The following RBFOX1 variants were observed in gnomAD, a reference collection of about 807,000 sequenced individuals.
RBFOX1 encodes RNA binding fox-1 homolog 1.
RBFOX1 carries 8 observed loss-of-function variants against 57.7 expected under a neutral mutation model. That is an observed-to-expected ratio of 0.14 (90% CI 0.08 to 0.25). The LOEUF (loss-of-function observed/expected upper bound fraction) is 0.25, where lower values mean the gene tolerates loss of function less well. Among genes scored for constraint, RBFOX1 ranks in the 10% least tolerant of loss-of-function variants. The pLI, the probability that RBFOX1 is intolerant of heterozygous loss-of-function variation, is 1.00. For synonymous variants in RBFOX1, 326 were observed against 222.4 expected (o/e 1.47, Z -4.15); for missense variants, 611 against 548.5 (o/e 1.11, Z -1.14).
chr16:6,098,519 C>G (rs368668685), intron 1 of RBFOX1, among the ~76,000 whole-genome samples: 4 of 152,340 alleles, frequency 2.6e-5, no homozygotes, highest in African/African-American at 9.6e-5. Flanking sequence ...AAGTTGGACG[C>G]TGGAATAATT....
chr16:6,264,237 G>C (rs370518008), intron 1 of RBFOX1, among the ~76,000 whole-genome samples: 1 of 152,058 alleles, frequency 6.6e-6, no homozygotes, highest in African/African-American at 2.4e-5. Flanking sequence ...GCAGCTTCCT[G>C]TCATGAAAGG....
chr16:6,024,734 T>C (rs1014023693), intron 1 of RBFOX1, among the ~76,000 whole-genome samples: 2 of 152,204 alleles, frequency 1.3e-5, no homozygotes, highest in Non-Finnish European at 2.9e-5. Flanking sequence ...ACCCGCCTCC[T>C]CGGCCTCTCA....
intron 4 of RBFOX1, among the ~76,000 whole-genome samples, chr16:5,965,048 A>G (rs1177850015): frequency 6.6e-6 from 1 of 152,192 alleles, no homozygotes; most frequent in Non-Finnish European, 1.5e-5. Context: ...AGACACAAAT[A>G]CTCTATAATA....
At chr16:6,427,630 A>T (rs907739469) in intron 2 of RBFOX1, among the ~76,000 whole-genome samples, 4 of 152,222 alleles carry the variant, frequency 2.6e-5, no homozygotes, top group African/African-American at 9.7e-5. Context: ...GCTGCCAAGT[A>T]AGGTGGATTA....
intron 1 of RBFOX1, among the ~76,000 whole-genome samples, chr16:6,250,163 C>G (rs2097596934): frequency 6.6e-6 from 1 of 152,148 alleles, no homozygotes; most frequent in African/African-American, 2.4e-5. Flanking sequence ...TCTGCTGTTG[C>G]TTAGTTGCTT....
Position 6,161,299 on chromosome 16 carries a change from G to GT in RBFOX1, c.-127+141307_-127+141308insT, listed in dbSNP as rs545861440. On this transcript the variant is annotated intron_variant, in intron 1 of 15. Transcript: ENST00000550418. ...AGCTACTCAGGGGGCTAAGGCAGGA[G>GT]AATCGCTTGAGCCTGGGAGGCAAAG... Among the ~76,000 whole-genome samples the GT allele has an allele frequency of 4.3e-3, 651 of 151,704 alleles. 10 individuals are homozygous for GT. The highest frequency in any genetic ancestry group is 3.0e-3 in the Non-Finnish European group (203 of 67,972).
intron 3 of RBFOX1, among the ~76,000 whole-genome samples, chr16:7,039,090 G>C (rs78192265): frequency 0.096 from 14,621 of 152,048 alleles, 1,182 homozygotes; most frequent in East Asian, 0.32. Flanking sequence ...CTGGGAGATA[G>C]CACCCCATAG....
At chr16:5,241,167 C>T (rs1567225694) in intron 1 of RBFOX1, among the ~76,000 whole-genome samples, 1 of 152,174 alleles carries the variant, frequency 6.6e-6, no homozygotes, top group Admixed American at 6.5e-5. Flanking sequence ...GCCCCCCCTG[C>T]CCAGTCTTGG....
chr16:7,692,916 A>C (rs956918898), intron 14 of RBFOX1, among the ~76,000 whole-genome samples: 1 of 151,994 alleles, frequency 6.6e-6, no homozygotes. Flanking sequence ...TAAGTCTAGA[A>C]TTTTATAATT....
chr16:6,917,275 G>C (rs1007435452), intron 3 of RBFOX1, among the ~76,000 whole-genome samples: 1 of 152,184 alleles, frequency 6.6e-6, no homozygotes, highest in Non-Finnish European at 1.5e-5. Flanking sequence ...GCTACTGTTA[G>C]GGACTCATTT....
chr16:6,698,780 C>G (rs968138), intron 3 of RBFOX1, among the ~76,000 whole-genome samples: 1 of 152,166 alleles, frequency 6.6e-6, no homozygotes, highest in African/African-American at 2.4e-5. Flanking sequence ...GTTTGACTTT[C>G]TAAGCATTAT....
intron 2 of RBFOX1, among the ~76,000 whole-genome samples, chr16:6,496,715 T>C (rs1174353995): frequency 6.6e-6 from 1 of 152,076 alleles, no homozygotes; most frequent in Non-Finnish European, 1.5e-5. Flanking sequence ...ATCCCAGCAC[T>C]GTGGGAGGCC....
At chr16:7,205,340 A>C (rs975207572) in intron 4 of RBFOX1, among the ~76,000 whole-genome samples, 2 of 152,012 alleles carry the variant, frequency 1.3e-5, no homozygotes, top group South Asian at 4.1e-4. Context: ...CAACATGGTG[A>C]AACCTCATTT....
At chr16:6,344,549 C>A (rs999573607) in intron 2 of RBFOX1, among the ~76,000 whole-genome samples, 1 of 151,290 alleles carries the variant, frequency 6.6e-6, no homozygotes. Context: ...AGGTACCCAC[C>A]ACTGCGCCCG....
intron 5 of RBFOX1, among the ~76,000 whole-genome samples, chr16:7,529,839 T>C (rs961299301): frequency 6.6e-6 from 1 of 151,794 alleles, no homozygotes; most frequent in African/African-American, 2.4e-5. Context: ...TGAAACCCCG[T>C]CTCTCCTAAA....
chr16:5,240,572 C>T (rs1023604581), intron 1 of RBFOX1, among the ~76,000 whole-genome samples: 52 of 152,166 alleles, frequency 3.4e-4, no homozygotes, highest in African/African-American at 1.3e-3. Context: ...GCTCACCCAG[C>T]TCCTCACCTG....
chr16:7,023,113 G>T (rs60357615), intron 3 of RBFOX1, among the ~76,000 whole-genome samples: 2,456 of 152,246 alleles, frequency 0.016, 73 homozygotes, highest in African/African-American at 0.055. Context: ...AGGTAGGAGA[G>T]AGCTGAGTAA....
At position 6,870,835 on chromosome 16, in the gene RBFOX1, G is replaced by A. The variant is rs143430100; in HGVS notation, c.-15-181222G>A. Among the ~76,000 whole-genome samples the A allele has an allele frequency of 7.2e-5, 11 of 152,090 alleles. No homozygotes were observed. The East Asian group carries it at 1.2e-3, about 16-fold the overall frequency. On this transcript the variant is annotated intron_variant, in intron 3 of 15. Transcript: ENST00000550418. ...TTTCAGATTCTTATGACTTCTTGTC[G>A]CTCTGAGATTTACAGTCACTAATAA...
At chr16:7,402,016 T>C (rs1195953537) in intron 4 of RBFOX1, among the ~76,000 whole-genome samples, 2 of 152,170 alleles carry the variant, frequency 1.3e-5, no homozygotes, top group African/African-American at 4.8e-5. Flanking sequence ...TAAAAAGTTA[T>C]TTTTATTTTA....
Sources: allele counts gnomAD v4.1 joint callset (sites outside exome capture counted in the v4.1 genomes callset), GRCh38; gene constraint gnomAD v4.1.1; transcripts MANE v1.5; gene names NCBI Gene and HGNC (gene_info 2026-07-23, HGNC 2026-07-21).